Variants in PSMC3IP observed in about 807,000 individuals in gnomAD.
The protein encoded by PSMC3IP is PSMC3 interacting protein.
In PSMC3IP, 26 loss-of-function variants were observed where a neutral mutation model predicts 34.9. The observed-to-expected ratio is 0.74, with a 90% CI of 0.55 to 1.03. The LOEUF (loss-of-function observed/expected upper bound fraction) is 1.03. Ranked by LOEUF, PSMC3IP falls within the 50% of genes least tolerant of loss-of-function variation. PSMC3IP has a pLI of 0.00. For missense variants in PSMC3IP, 250 were observed against 263.1 expected, an observed-to-expected ratio of 0.95 and a Z score of 0.34; for synonymous variants, 87 against 96.5, an observed-to-expected ratio of 0.90 and a Z score of 0.57.
At chr17:42,575,069 A>C (rs2093066683) in intron 3 of PSMC3IP, among the ~76,000 whole-genome samples, 1 of 152,142 alleles carries the variant, frequency 6.6e-6, no homozygotes, top group Admixed American at 6.6e-5. Flanking sequence ...ATCCATGTAG[A>C]TAAGGGATTC....
rs776314335 is a variant in PSMC3IP, at chr17:42,577,232, T to A, written c.206A>T (p.Lys69Met). 2 of 1,614,024 alleles carry A rather than the reference T, an allele frequency of 1.2e-6. No individual in the cohort carries two copies. Among genetic ancestry groups the A allele is most frequent in the African/African-American group, 1.3e-5 (1 of 75,010 alleles). The change falls in exon 3 of 8, where the codon AAG becomes ATG. Residue 69 changes from lysine to methionine, a missense_variant. Transcript: ENST00000393795. ...CCTCACCTGATCCGCAAAATAGATCTTCTGCTTGCCGTACATCTTCTCTTT... is the reference window on the plus strand; with the variant it reads ...CCTCACCTGATCCGCAAAATAGATCATCTGCTTGCCGTACATCTTCTCTTT... ...KIKEKMYGKQ[K>M]IYFADQDQFD...
rs1193500176 is a variant in PSMC3IP, at chr17:42,574,209, T to A, written c.227A>T (p.Asp76Val). The A allele has an allele frequency of 6.2e-7, 1 of 1,613,778 alleles. No homozygotes were observed. Among genetic ancestry groups the A allele is most frequent in the Admixed American group, 1.7e-5 (1 of 59,940 alleles). The change falls in exon 4 of 8, where the codon GAC becomes GTC. Residue 76 changes from aspartate (D) to valine (V), a missense_variant and splice_region_variant. Transcript: ENST00000393795. ...GKQKIYFADQ[D>V]QFDMVSDADL... Reference sequence around the variant, plus strand: ...AGCATCACTCACCATGTCAAACTGGTCCTGCCAGACAAAGAGGGAAAATAC... The same window carrying A: ...AGCATCACTCACCATGTCAAACTGGACCTGCCAGACAAAGAGGGAAAATAC...
At position 42,572,888 on chromosome 17, in the gene PSMC3IP, A is replaced by T; in HGVS notation, c.*80T>A. ...GTAGCAGGAACAACAACAAAAGCCA[A>T]CCAAAAACAAGGTAGCCAGTGCAAG... is the stretch of plus-strand genomic sequence containing the variant. On this transcript the variant is annotated 3_prime_UTR_variant, in exon 8 of 8. Transcript: ENST00000393795. 1 of 1,541,064 alleles carries T rather than the reference A, an allele frequency of 6.5e-7. No individual in the cohort carries two copies. Among genetic ancestry groups the T allele is most frequent in the Non-Finnish European group, 9.0e-7 (1 of 1,115,850 alleles).
At chr17:42,573,768 C>G in intron 4 of PSMC3IP, 145 bp from the exon 5 acceptor site, 1 of 1,498,612 alleles carries the variant, frequency 6.7e-7, no homozygotes, top group Non-Finnish European at 9.0e-7. Flanking sequence ...ATTTATTCTT[C>G]TAATTTTCTT....
chr17:42,576,423 G>A (rs187446388), intron 3 of PSMC3IP, among the ~76,000 whole-genome samples: 101 of 152,300 alleles, frequency 6.6e-4, no homozygotes, highest in Non-Finnish European at 1.2e-3. Flanking sequence ...GAAGAGCCAA[G>A]ATCTGTTAGG....
Position 42,573,353 on chromosome 17 carries a change from C to G in PSMC3IP, c.495G>C (p.Glu165Asp). ...TPEEKEQVYR[E>D]RQKYCKEWRK... ...TCCACTCCTTACAGTACTTCTGCCT[C>G]TCTCTGTACACCTAGAAGGAAAAAG... The change falls in exon 6 of 8, where the codon GAG (glutamate) becomes GAC (aspartate). Residue 165 changes from glutamate (E) to aspartate (D), a missense_variant. Physicochemically the swap from Glu to Asp is conservative, Grantham distance 45 (BLOSUM62 2). Transcript: ENST00000393795. 2.5e-6 allele frequency: 4 copies of G among 1,614,156 alleles called. No homozygotes were observed. Among genetic ancestry groups the G allele is most frequent in the Non-Finnish European group, 3.4e-6 (4 of 1,180,034 alleles).
Position 42,577,484 on chromosome 17 carries a change from G to C in PSMC3IP, c.112C>G (p.Arg38Gly). 1 of 1,614,148 alleles carries C rather than the reference G, an allele frequency of 6.2e-7. No homozygotes were observed. Among genetic ancestry groups the C allele is most frequent in the Non-Finnish European group, 8.5e-7 (1 of 1,180,020 alleles). ...SSQDVFGNLQ[R>G]EHGLGKAVVV... ...ACCGCCTTGCCCAGTCCGTGTTCCC[G>C]CTGTAGGTTCCCGAACACATCCTGG... The change falls in exon 2 of 8, where the codon CGG (arginine) becomes GGG (glycine). Residue 38 changes from arginine to glycine, a missense_variant. Transcript: ENST00000393795.
chr17:42,572,817 G>A lies in PSMC3IP; in HGVS notation c.*151C>T. The A allele has an allele frequency of 1.1e-6, 1 of 905,350 alleles. No individual in the cohort carries two copies. Among genetic ancestry groups the A allele is most frequent in the Non-Finnish European group, 1.8e-6 (1 of 564,032 alleles). 56.1% of individuals were successfully genotyped at this position (905,350 alleles called of 1,614,324 possible). ...CCAGCCCTCATCCTCTCTACCCAGT[G>A]CTCTGGTTTATGCTTGTCTCCTGAC... On this transcript the variant is annotated 3_prime_UTR_variant, in exon 8 of 8. Transcript: ENST00000393795.
In PSMC3IP at chr17:42,573,600, G is replaced by A. The variant is rs2093052383; in HGVS notation, c.361C>T (p.Leu121=). ...TCTTTCTGCATCTCTGGTGTGGTCAGGGCACTAGATAATTCCTTGAGCTCT... is the reference window on the plus strand; with the variant it reads ...TCTTTCTGCATCTCTGGTGTGGTCAAGGCACTAGATAATTCCTTGAGCTCT... ...EAELKELSSA[L]TTPEMQKEIQ... Residue 121 remains leucine, a synonymous_variant, in exon 5 of 8, where the codon CTG becomes TTG. Transcript: ENST00000393795. The A allele has an allele frequency of 2.5e-6, 4 of 1,614,060 alleles. No individual in the cohort carries two copies. Among genetic ancestry groups the A allele is most frequent in the East Asian group, 2.2e-5 (1 of 44,890 alleles).
intron 3 of PSMC3IP, among the ~76,000 whole-genome samples, chr17:42,575,746 T>G (rs909598980): frequency 6.6e-6 from 1 of 151,556 alleles, no homozygotes; most frequent in Admixed American, 6.6e-5. Context: ...CAGTGGCTCA[T>G]GCCTGTAATC....
Position 42,573,548 on chromosome 17 carries a change from G to C in PSMC3IP, c.413C>G (p.Ala138Gly), listed in dbSNP as rs781322349. 3.7e-6 allele frequency: 6 copies of C among 1,614,052 alleles called. No individual in the cohort carries two copies. The highest frequency in any genetic ancestry group is 2.7e-5 in the African/African-American group (2 of 74,924). Residue 138 changes from alanine to glycine, a missense_variant, in exon 5 of 8, where the codon GCT becomes GGT. Coordinates refer to ENST00000393795, the MANE Select transcript of PSMC3IP (RefSeq NM_016556.4). ...GTTCTTCAATCTCTCTCTGTAGCCAGCGCATTCCTTCTTTAACTCCTGGAT... is the reference window on the plus strand; with the variant it reads ...GTTCTTCAATCTCTCTCTGTAGCCACCGCATTCCTTCTTTAACTCCTGGAT... ...KEIQELKKEC[A>G]GYRERLKNIK...
At chr17:42,575,460 G>A (rs2093069583) in intron 3 of PSMC3IP, among the ~76,000 whole-genome samples, 1 of 152,114 alleles carries the variant, frequency 6.6e-6, no homozygotes, top group Admixed American at 6.6e-5. Flanking sequence ...AATACTGTCT[G>A]GCCATTTGCA....
Position 42,573,516 on chromosome 17 carries a change from C to T in PSMC3IP, c.445G>A (p.Ala149Thr), listed in dbSNP as rs760630405. 8 of 1,614,116 alleles carry T rather than the reference C, an allele frequency of 5.0e-6. No homozygotes were observed. Among genetic ancestry groups the T allele is most frequent in the Non-Finnish European group, 5.9e-6 (7 of 1,180,054 alleles). The change falls in exon 5 of 8, where the codon GCA becomes ACA. Residue 149 changes from alanine to threonine, a missense_variant. Physicochemically the swap from Ala to Thr is moderately conservative, Grantham distance 58. Coordinates refer to ENST00000393795, the MANE Select transcript of PSMC3IP (RefSeq NM_016556.4). ...GYRERLKNIK[A>T]ATNHVTPEEK... ...TCTGGAGTCACATGATTGGTAGCTG[C>T]TTTAATGTTCTTCAATCTCTCTCTG...
Position 42,577,428 on chromosome 17 carries a change from G to A in PSMC3IP, c.135+33C>T, listed in dbSNP as rs767281018. The A allele has an allele frequency of 6.2e-6, 10 of 1,611,780 alleles. No individual in the cohort carries two copies. In the East Asian group the frequency reaches 1.3e-4, roughly 22 times the overall value. ...ACCCCAGCCTGAATCCAGGGAGTCC[G>A]ACGGAGAGGGAATCCCGGGAGAAGG... On this transcript the variant is annotated intron_variant, in intron 2 of 7. Transcript: ENST00000393795.
rs1338665272 is a variant in PSMC3IP, at chr17:42,574,033, A to G, written c.337+66T>C. 3 of 1,597,618 alleles carry G rather than the reference A, an allele frequency of 1.9e-6. No homozygotes were observed. The Admixed American group carries it at 5.3e-5, about 28-fold the overall frequency. ...GCTGCAGTCATTGAACCATTCATTT[A>G]GTAATTCCTGACCTCTAGAATGAAC... On this transcript the variant is annotated intron_variant, in intron 4 of 7. Transcript: ENST00000393795.
intron 6 of PSMC3IP, 31 bp from the exon 7 acceptor site, chr17:42,573,197 A>G (rs764811057): frequency 1.2e-6 from 2 of 1,614,192 alleles, no homozygotes; most frequent in South Asian, 2.2e-5. Context: ...CCGTTTTCAG[A>G]TGGGCAGCAC....
intron 3 of PSMC3IP, chr17:42,576,764 A>G (rs1250607318): frequency 8.2e-6 from 2 of 244,232 alleles, no homozygotes; most frequent in South Asian, 8.7e-5. Context: ...GGAGAATGTT[A>G]GAAAGAAACC....
rs763169741 is a variant in PSMC3IP at position 42,577,641 on chromosome 17, C to T, written c.34+12G>A. 3.1e-6 allele frequency: 5 copies of T among 1,614,168 alleles called. No homozygotes were observed. Among genetic ancestry groups the T allele is most frequent in the Non-Finnish European group, 4.2e-6 (5 of 1,180,032 alleles). ...CCCTCCCGGGTCTTCCCCGCGCCCA[C>T]GGCGCCGTTACCTCCCGCCGCAGCT... On this transcript the variant is annotated intron_variant, in intron 1 of 7. Transcript: ENST00000393795.
At chr17:42,574,965 G>T (rs1597725320) in intron 3 of PSMC3IP, among the ~76,000 whole-genome samples, 3 of 152,252 alleles carry the variant, frequency 2.0e-5, no homozygotes, top group East Asian at 3.9e-4. Flanking sequence ...CGTTGCCCAG[G>T]CTGGTCTCAA....
Sources: allele counts gnomAD v4.1 joint callset (sites outside exome capture counted in the v4.1 genomes callset), GRCh38; gene constraint gnomAD v4.1.1; transcripts MANE v1.5; gene names NCBI Gene and HGNC (gene_info 2026-07-23, HGNC 2026-07-21).